The following ZNF470 variants were observed in gnomAD, a reference collection of about 807,000 sequenced individuals.
ZNF470 encodes zinc finger protein 470, also known as chondrogenesis zinc finger protein 1.
Under a neutral mutation model 13.9 loss-of-function variants are expected in ZNF470, and 13 were observed. The observed-to-expected ratio is 0.94, with a 90% CI of 0.61 to 1.49. The LOEUF (loss-of-function observed/expected upper bound fraction) is 1.49. ZNF470 is among the 40% of genes most tolerant of loss of function. The pLI, the probability that ZNF470 is intolerant of heterozygous loss-of-function variation, is 0.00. For synonymous variants in ZNF470, 293 were observed against 282.9 expected, an observed-to-expected ratio of 1.04 and a Z score of -0.36; for missense variants, 929 against 857.3, an observed-to-expected ratio of 1.08 and a Z score of -1.04.
rs2147991684 is a variant in ZNF470, at chr19:56,582,341, A to C, written c.*3758A>C. Reference sequence around the variant, plus strand: ...GCTCTTGAATTTCTAGCATTAAGGCAAAAAAAATTCACCTAAGGGATTTTG... The same window carrying C: ...GCTCTTGAATTTCTAGCATTAAGGCCAAAAAAATTCACCTAAGGGATTTTG... On this transcript the variant is annotated 3_prime_UTR_variant, in exon 6 of 6. Coordinates refer to ENST00000330619, the MANE Select transcript of ZNF470 (RefSeq NM_001001668.4). The C allele has an allele frequency of 1.0e-6, 1 of 983,412 alleles. No homozygotes were observed. The highest frequency in any genetic ancestry group is 1.2e-6 in the Non-Finnish European group (1 of 828,246). The allele number at this position is 983,412 out of a possible 1,614,324, so 60.9% of individuals were successfully genotyped here. A position where few individuals can be genotyped will look rare whatever the true frequency, so the allele number is the denominator to read the frequency against.
At chr19:56,571,263 G>A (rs868483935) in intron 3 of ZNF470, among the ~76,000 whole-genome samples, 10 of 152,250 alleles carry the variant, frequency 6.6e-5, no homozygotes, top group Middle Eastern at 6.8e-3. Context: ...TTGTTCCGTA[G>A]GTAAATTGTT....
intron 2 of ZNF470, 28 bp downstream of exon 2, chr19:56,568,911 TAAAG>T (rs2044430918): frequency 1.3e-5 from 2 of 152,162 alleles, no homozygotes; most frequent in African/African-American, 4.8e-5. Context: ...TTTTGACAAT[TAAAG>T]AAACTGACTC....
At position 56,578,305 on chromosome 19, in the gene ZNF470, T is replaced by C; in HGVS notation, c.1876T>C (p.Cys626Arg). 1 of 1,613,226 alleles carries C rather than the reference T, an allele frequency of 6.2e-7. No individual in the cohort carries two copies. Among genetic ancestry groups the C allele is most frequent in the Non-Finnish European group, 8.5e-7 (1 of 1,179,562 alleles). The change falls in exon 6 of 6, where the codon TGT (cysteine) becomes CGT (arginine). Residue 626 changes from cysteine to arginine, a missense_variant. Cys to Arg is a radical substitution (Grantham distance 180, BLOSUM62 -3). Transcript: ENST00000330619. ...TGEKPYECNV[C>R]GKAFSHRKSL... ...TGAGAAACCTTATGAATGTAATGTTTGTGGGAAAGCCTTTAGCCATCGTAA... is the reference window on the plus strand; with the variant it reads ...TGAGAAACCTTATGAATGTAATGTTCGTGGGAAAGCCTTTAGCCATCGTAA...
Position 56,581,305 on chromosome 19 carries a change from CAA to C in ZNF470, c.*2725_*2726del. ...TTAAAGTGATTATCTACTTTTTCCC[CAA>C]AAGACTGACTAATCGAGTGATAACA... On this transcript the variant is annotated 3_prime_UTR_variant, in exon 6 of 6. Transcript: ENST00000330619. 1 of 794,342 alleles carries C rather than the reference CAA, an allele frequency of 1.3e-6. No individual in the cohort carries two copies. The highest frequency in any genetic ancestry group is 1.5e-6 in the Non-Finnish European group (1 of 655,918). 49.2% of individuals were successfully genotyped at this position (794,342 alleles called of 1,614,324 possible). A position where few individuals can be genotyped will look rare whatever the true frequency, so the allele number is the denominator to read the frequency against.
At position 56,578,688 on chromosome 19, in the gene ZNF470, A is replaced by G. The variant is rs568121198; in HGVS notation, c.*105A>G. On this transcript the variant is annotated 3_prime_UTR_variant, in exon 6 of 6. Transcript: ENST00000330619. Reference sequence around the variant, plus strand: ...ATCTCATCTGGATTTCTGCAGTAGCATAACTGTTGCCCCTTTTGCTTCTAT... The same window carrying G: ...ATCTCATCTGGATTTCTGCAGTAGCGTAACTGTTGCCCCTTTTGCTTCTAT... 6.7e-4 allele frequency: 884 copies of G among 1,326,850 alleles called. No homozygotes were observed. Among genetic ancestry groups the G allele is most frequent in the Non-Finnish European group, 8.1e-4 (838 of 1,035,510 alleles). 82.2% of individuals were successfully genotyped at this position (1,326,850 alleles called of 1,614,324 possible). A position where few individuals can be genotyped will look rare whatever the true frequency, so the allele number is the denominator to read the frequency against.
At position 56,576,822 on chromosome 19, in the gene ZNF470, A is replaced by G; in HGVS notation, c.393A>G (p.Glu131=). ...IMERLKSYDL[E]CSTLGKNWKC... Reference sequence around the variant, plus strand: ...AAAGACTTAAAAGCTATGACCTTGAATGTTCAACATTAGGGAAAAACTGGA... The same window carrying G: ...AAAGACTTAAAAGCTATGACCTTGAGTGTTCAACATTAGGGAAAAACTGGA... Residue 131 remains glutamate (E), a synonymous_variant, in exon 6 of 6, where the codon GAA becomes GAG. Transcript: ENST00000330619. 1.3e-6 allele frequency: 2 copies of G among 1,587,176 alleles called. No homozygotes were observed. The highest frequency in any genetic ancestry group is 8.5e-7 in the Non-Finnish European group (1 of 1,172,244).
At position 56,574,687 on chromosome 19, in the gene ZNF470, A is replaced by G; in HGVS notation, c.237A>G (p.Lys79=). 1 of 1,613,860 alleles carries G rather than the reference A, an allele frequency of 6.2e-7. No individual in the cohort carries two copies. Among genetic ancestry groups the G allele is most frequent in the Non-Finnish European group, 8.5e-7 (1 of 1,179,812 alleles). ...TGATCTCCTTACTGGAGCAAGAGAA[A>G]GACCCTTGGGTGATAAAAGGAGGGA... ...PDVISLLEQE[K]DPWVIKGGMN... Residue 79 remains lysine, a synonymous_variant, in exon 5 of 6, where the codon AAA becomes AAG. Coordinates refer to ENST00000330619, the MANE Select transcript of ZNF470 (RefSeq NM_001001668.4).
At position 56,576,887 on chromosome 19, in the gene ZNF470, A is replaced by C. The variant is rs766635498; in HGVS notation, c.458A>C (p.Lys153Thr). ...DLFERELVNQKTHFRQETITH... is the reference protein window; with the variant it reads ...DLFERELVNQTTHFRQETITH... Reference sequence around the variant, plus strand: ...TTTGAGAGGGAGCTTGTAAACCAGAAGACACATTTTAGGCAAGAGACCATC... The same window carrying C: ...TTTGAGAGGGAGCTTGTAAACCAGACGACACATTTTAGGCAAGAGACCATC... Residue 153 changes from lysine to threonine, a missense_variant, in exon 6 of 6, where the codon AAG (lysine) becomes ACG (threonine). Lys to Thr is a moderately conservative substitution (Grantham distance 78). Transcript: ENST00000330619. The C allele has an allele frequency of 1.9e-6, 3 of 1,580,618 alleles. No individual in the cohort carries two copies. In the South Asian group the frequency reaches 3.5e-5, roughly 19 times the overall value.
In ZNF470 at chr19:56,578,112, T is replaced by C; in HGVS notation, c.1683T>C (p.Gly561=). The stretch of plus-strand genomic sequence containing the variant: ...TTCAGCACCAGAGAGTTCATACTGG[T>C]GAGAAGCCTTACGAATGTATTGAAT... The part of the protein sequence containing the change: ...HLVQHQRVHT[G]EKPYECIECG... The change falls in exon 6 of 6, where the codon GGT becomes GGC. Residue 561 remains glycine (G), a synonymous_variant. Coordinates refer to ENST00000330619, the MANE Select transcript of ZNF470 (RefSeq NM_001001668.4). The C allele has an allele frequency of 1.2e-6, 2 of 1,613,592 alleles. No homozygotes were observed. The highest frequency in any genetic ancestry group is 1.7e-6 in the Non-Finnish European group (2 of 1,179,862).
At chr19:56,574,042 T>G in intron 3 of ZNF470, 1 of 734,666 alleles carries the variant, frequency 1.4e-6, no homozygotes, top group Non-Finnish European at 1.7e-6. Context: ...AGCTTCTCCA[T>G]GTAGAGAAGT....
intron 3 of ZNF470, 130 bp from the exon 4 acceptor site, chr19:56,574,264 T>G (rs749876833): frequency 7.2e-7 from 1 of 1,390,844 alleles, no homozygotes; most frequent in African/African-American, 1.4e-5. Flanking sequence ...CCCGGATCAT[T>G]TAGACCCTTA....
chr19:56,580,736 C>G lies in ZNF470; in HGVS notation c.*2153C>G, dbSNP rs2044529324. ...GCTAGAAAATGGAGTTTGGGGCTCCCTCTTCACTTCTGCTGATAGAAGCAT... is the reference window on the plus strand; with the variant it reads ...GCTAGAAAATGGAGTTTGGGGCTCCGTCTTCACTTCTGCTGATAGAAGCAT... On this transcript the variant is annotated 3_prime_UTR_variant, in exon 6 of 6. Transcript: ENST00000330619. The G allele has an allele frequency of 1.7e-6, 1 of 582,352 alleles. No homozygotes were observed. Among genetic ancestry groups the G allele is most frequent in the African/African-American group, 2.0e-5 (1 of 48,896 alleles). The allele number at this position is 582,352 out of a possible 1,614,324, so 36.1% of individuals were successfully genotyped here.
chr19:56,570,443 C>T, intron 3 of ZNF470, 72 bp downstream of exon 3: 1 of 1,468,388 alleles, frequency 6.8e-7, no homozygotes, highest in Non-Finnish European at 9.5e-7. Flanking sequence ...TTGTTTTCTT[C>T]TGAAAATATT....
chr19:56,574,309 A>C (rs371228132), intron 3 of ZNF470, 85 bp from the exon 4 acceptor site: 1 of 1,600,606 alleles, frequency 6.2e-7, no homozygotes, highest in Non-Finnish European at 8.5e-7. Context: ...TTTAATCCCA[A>C]AGTGAGAACA....
Position 56,577,752 on chromosome 19 carries a change from A to C in ZNF470, c.1323A>C (p.Thr441=). The C allele has an allele frequency of 1.9e-6, 3 of 1,612,782 alleles. No homozygotes were observed. The highest frequency in any genetic ancestry group is 2.5e-6 in the Non-Finnish European group (3 of 1,179,184). ...GKAFSHGSSL[T]VHQRIHTGEK... The stretch of plus-strand genomic sequence containing the variant: ...CTTTTAGCCATGGCTCATCTCTGAC[A>C]GTACATCAGAGAATTCATACAGGAG... Residue 441 remains threonine, a synonymous_variant, in exon 6 of 6, where the codon ACA becomes ACC. Coordinates refer to ENST00000330619, the MANE Select transcript of ZNF470 (RefSeq NM_001001668.4).
At chr19:56,572,541 CA>C (rs764794483) in intron 3 of ZNF470, among the ~76,000 whole-genome samples, 31,635 of 87,252 alleles carry the variant, frequency 0.36, 4,692 homozygotes, top group East Asian at 0.45. Context: ...GACCCTGTCT[CA>C]AAAAAAAAAA....
chr19:56,573,877 T>TA, intron 3 of ZNF470: 4 of 681,008 alleles, frequency 5.9e-6, no homozygotes, highest in Non-Finnish European at 7.2e-6. Context: ...AAGAAAAGAC[T>TA]ATAGCTAGGT....
rs1169998876 is a variant in ZNF470, at chr19:56,578,874, C to G, written c.*291C>G. On this transcript the variant is annotated 3_prime_UTR_variant, in exon 6 of 6. Transcript: ENST00000330619. Reference sequence around the variant, plus strand: ...GCATATAGTTATTGCTAAATAAATGCTAGCCATTAAGGTAAAGGTTTCCTT... The same window carrying G: ...GCATATAGTTATTGCTAAATAAATGGTAGCCATTAAGGTAAAGGTTTCCTT... 9.1e-7 allele frequency: 1 copy of G among 1,103,930 alleles called. No individual in the cohort carries two copies. The highest frequency in any genetic ancestry group is 1.6e-5 in the African/African-American group (1 of 61,328). 68.4% of individuals were successfully genotyped at this position (1,103,930 alleles called of 1,614,324 possible).
rs1407551993 is a variant in ZNF470, at chr19:56,570,336, G to A, written c.25G>A (p.Val9Met). 1.9e-6 allele frequency: 3 copies of A among 1,614,150 alleles called. No homozygotes were observed. The change falls in exon 3 of 6, where the codon GTG becomes ATG. Residue 9 changes from valine (V) to methionine (M), a missense_variant. Transcript: ENST00000330619. The stretch of plus-strand genomic sequence containing the variant: ...AATGAAGAGCCAGGAAGAGGTAGAG[G>A]TGGCAGGAATTAAACTTTGTAAAGC... MKSQEEVEVAGIKLCKAMS... is the reference protein window; with the variant it reads MKSQEEVEMAGIKLCKAMS...
Sources: allele counts gnomAD v4.1 joint callset (sites outside exome capture counted in the v4.1 genomes callset), GRCh38; gene constraint gnomAD v4.1.1; transcripts MANE v1.5; gene names NCBI Gene and HGNC (gene_info 2026-07-23, HGNC 2026-07-21).